The following ARHGAP10 variants were observed in gnomAD, a reference collection of about 807,000 sequenced individuals.
ARHGAP10 encodes the protein rho GTPase-activating protein 10.
ARHGAP10 carries 87 observed loss-of-function variants against 108.6 expected under a neutral mutation model. The observed-to-expected ratio is 0.80, with a 90% CI of 0.67 to 0.96. ARHGAP10 has a LOEUF of 0.96. Among genes scored for constraint, ARHGAP10 ranks in the 40% least tolerant of loss-of-function variants. The pLI, the probability that ARHGAP10 is intolerant of heterozygous loss-of-function variation, is 0.00. For missense variants in ARHGAP10, 939 were observed against 954.5 expected, an observed-to-expected ratio of 0.98 and a Z score of 0.21; for synonymous variants, 347 against 341.1, an observed-to-expected ratio of 1.02 and a Z score of -0.19.
rs772058840 is a variant in ARHGAP10 at position 147,875,012 on chromosome 4, C to T, written c.703-9C>T. The stretch of plus-strand genomic sequence containing the variant: ...TTAACATTTATGTGTGTTTTTTAAT[C>T]CATTTCAGACACGGAATCGATTTGA... On this transcript the variant is annotated splice_polypyrimidine_tract_variant and intron_variant, in intron 7 of 22. Coordinates refer to ENST00000336498, the MANE Select transcript of ARHGAP10 (RefSeq NM_024605.4). 4.5e-6 allele frequency: 7 copies of T among 1,565,880 alleles called. No individual in the cohort carries two copies. The East Asian group carries it at 1.6e-4, about 36-fold the overall frequency.
intron 10 of ARHGAP10, among the ~76,000 whole-genome samples, 174 bp downstream of exon 10, chr4:147,882,106 A>G (rs1735352686): frequency 6.6e-6 from 1 of 152,088 alleles, no homozygotes; most frequent in Non-Finnish European, 1.5e-5. Flanking sequence ...GGGTTTAGCT[A>G]TGGGGTGATA....
At chr4:147,832,666 G>GAAAAAAAAAA (rs1165230059) in intron 3 of ARHGAP10, among the ~76,000 whole-genome samples, 25 of 45,794 alleles carry the variant, frequency 5.5e-4, no homozygotes, top group Non-Finnish European at 6.4e-4. Flanking sequence ...AAAAAAAAAG[G>GAAAAAAAAAA]AAATTGGAGC....
At chr4:147,981,338 T>A (rs1739799126) in intron 18 of ARHGAP10, among the ~76,000 whole-genome samples, 1 of 152,244 alleles carries the variant, frequency 6.6e-6, no homozygotes, top group South Asian at 2.1e-4. Flanking sequence ...GGAGTTAAGT[T>A]GTTTAGTTTC....
chr4:147,850,635 C>T (rs1733841463), intron 4 of ARHGAP10, among the ~76,000 whole-genome samples: 1 of 152,166 alleles, frequency 6.6e-6, no homozygotes, highest in South Asian at 2.1e-4. Context: ...AAGGGACAAA[C>T]TCCGGACACA....
intron 12 of ARHGAP10, 129 bp downstream of exon 12, chr4:147,909,906 G>C: frequency 1.2e-6 from 1 of 867,146 alleles, no homozygotes; most frequent in Admixed American, 2.6e-5. Flanking sequence ...GGTATTACAC[G>C]TAATAATCCT....
intron 1 of ARHGAP10, among the ~76,000 whole-genome samples, chr4:147,768,635 G>A (rs1729931189): frequency 1.3e-5 from 2 of 152,054 alleles, no homozygotes; most frequent in Admixed American, 1.3e-4. Context: ...TTTTAAAGTA[G>A]AAATGGATGG....
chr4:147,888,852 C>T (rs1735678008), intron 10 of ARHGAP10, among the ~76,000 whole-genome samples: 1 of 152,120 alleles, frequency 6.6e-6, no homozygotes, highest in African/African-American at 2.4e-5. Context: ...GATTTTGGGG[C>T]TTCGAAAGCA....
intron 19 of ARHGAP10, among the ~76,000 whole-genome samples, chr4:148,045,183 A>G (rs79830436): frequency 3.0e-3 from 459 of 152,298 alleles, no homozygotes; most frequent in Non-Finnish European, 4.9e-3. Context: ...TGTTCTGCAC[A>G]GTGTCCTCCA....
intron 16 of ARHGAP10, among the ~76,000 whole-genome samples, chr4:147,962,924 GT>G (rs1347020572): frequency 6.6e-6 from 1 of 152,118 alleles, no homozygotes; most frequent in East Asian, 1.9e-4. Flanking sequence ...GCCTCCCAAA[GT>G]GCTGGGATTA....
In ARHGAP10 at chr4:147,732,274, T is replaced by TGCGCACCGCGCAGCGACCGC. The variant is rs753451016; in HGVS notation, c.-27_-8dup. On this transcript the variant is annotated 5_prime_UTR_variant, in exon 1 of 23. Transcript: ENST00000336498. The stretch of plus-strand genomic sequence containing the variant: ...CGGCTCGGGCAGGAGCGCGCGGCCG[T>TGCGCACCGCGCAGCGACCGC]GCGCACCGCGCAGCGACCGCTGCCG... The TGCGCACCGCGCAGCGACCGC allele has an allele frequency of 5.8e-6, 9 of 1,562,342 alleles. No homozygotes were observed. Among genetic ancestry groups the TGCGCACCGCGCAGCGACCGC allele is most frequent in the Non-Finnish European group, 7.8e-6 (9 of 1,160,796 alleles).
At chr4:147,737,912 C>T (rs966768784) in intron 1 of ARHGAP10, among the ~76,000 whole-genome samples, 4 of 152,110 alleles carry the variant, frequency 2.6e-5, no homozygotes, top group Non-Finnish European at 2.9e-5. Flanking sequence ...TTTTTACTAG[C>T]CAGTCAGCAA....
chr4:148,025,324 A>G (rs1048540751), intron 19 of ARHGAP10, among the ~76,000 whole-genome samples: 1 of 151,356 alleles, frequency 6.6e-6, no homozygotes, highest in African/African-American at 2.4e-5. Flanking sequence ...TATTTCATGA[A>G]GTATTTTATA....
Position 147,794,908 on chromosome 4 carries a change from A to G in ARHGAP10, c.155-27819A>G, listed in dbSNP as rs182621052. Among the ~76,000 whole-genome samples the G allele has an allele frequency of 1.1e-3, 171 of 152,360 alleles. 2 individuals carry two copies. Among genetic ancestry groups the G allele is most frequent in the Middle Eastern group, 3.4e-3 (1 of 294 alleles). ...CTGATAGACATCTAGGTGGTTTCCA[A>G]CATGTTATCACTCATACTTTACCAT... is the stretch of plus-strand genomic sequence containing the variant. On this transcript the variant is annotated intron_variant, in intron 1 of 22. Transcript: ENST00000336498.
At chr4:148,064,680 C>G (rs1729786591) in intron 22 of ARHGAP10, among the ~76,000 whole-genome samples, 173 bp downstream of exon 22, 1 of 117,138 alleles carries the variant, frequency 8.5e-6, no homozygotes, top group Non-Finnish European at 2.0e-5. Flanking sequence ...TGCCAGGGGC[C>G]TGTTGTTGAT....
chr4:148,044,274 A>G (rs1427567079), intron 19 of ARHGAP10, among the ~76,000 whole-genome samples: 1 of 152,080 alleles, frequency 6.6e-6, no homozygotes, highest in Admixed American at 6.6e-5. Context: ...GCATCTTTCA[A>G]AAGTAACATT....
At chr4:147,936,945 G>A (rs939041607) in intron 13 of ARHGAP10, among the ~76,000 whole-genome samples, 1 of 152,138 alleles carries the variant, frequency 6.6e-6, no homozygotes, top group Non-Finnish European at 1.5e-5. Context: ...GATCAGTGGC[G>A]ACATTAGATT....
intron 9 of ARHGAP10, among the ~76,000 whole-genome samples, chr4:147,881,026 C>T (rs1735307018): frequency 6.6e-6 from 1 of 152,194 alleles, no homozygotes. Flanking sequence ...GTAATCCCAG[C>T]ACTTTGGGAG....
At chr4:147,982,552 T>A (rs988451520) in intron 18 of ARHGAP10, among the ~76,000 whole-genome samples, 2 of 144,122 alleles carry the variant, frequency 1.4e-5, no homozygotes, top group Admixed American at 1.4e-4. Flanking sequence ...AAATCTTTTT[T>A]TTTTTTTTTT....
intron 13 of ARHGAP10, among the ~76,000 whole-genome samples, chr4:147,925,718 A>ATAGT (rs1284969854): frequency 6.6e-6 from 1 of 152,196 alleles, no homozygotes; most frequent in Non-Finnish European, 1.5e-5. Context: ...GTTATCCTGC[A>ATAGT]TAGTTCCACG....
Sources: gnomAD v4.1 joint callset for allele counts (sites outside exome capture counted in the v4.1 genomes callset) on GRCh38, gnomAD v4.1.1 for gene constraint, MANE v1.5 for transcripts, NCBI Gene and HGNC (gene_info 2026-07-23, HGNC 2026-07-21) for gene names.